MRTFA: variants seen among roughly 807,000 people sequenced by gnomAD.
The protein encoded by MRTFA is myocardin related transcription factor A.
MRTFA carries 20 observed loss-of-function variants against 83.5 expected under a neutral mutation model. The ratio of observed to expected loss-of-function variants is 0.24; its 90% confidence interval spans 0.17 to 0.35. The LOEUF (loss-of-function observed/expected upper bound fraction) is 0.35. MRTFA is among the 10% of genes least tolerant of loss of function. MRTFA has a pLI of 1.00. For missense variants in MRTFA, 1,200 were observed against 1,224.7 expected (o/e 0.98, Z 0.30); for synonymous variants, 659 against 541.2 (o/e 1.22, Z -3.02).
At chr22:40,592,091 A>G (rs1363731874) in intron 2 of MRTFA, among the ~76,000 whole-genome samples, 1 of 152,138 alleles carries the variant, frequency 6.6e-6, no homozygotes, top group Non-Finnish European at 1.5e-5. Flanking sequence ...AAGAATTTCA[A>G]GAGAAAATTT....
chr22:40,509,871 A>C (rs1254284997), intron 3 of MRTFA, among the ~76,000 whole-genome samples: 2 of 151,840 alleles, frequency 1.3e-5, no homozygotes, highest in Non-Finnish European at 2.9e-5. Context: ...CCATGAGGTT[A>C]AACATTTCTC....
intron 3 of MRTFA, among the ~76,000 whole-genome samples, chr22:40,517,582 G>A (rs914158710): frequency 6.6e-6 from 1 of 152,122 alleles, no homozygotes; most frequent in Non-Finnish European, 1.5e-5. Flanking sequence ...TATACGTAAG[G>A]AGCTTGGTAC....
chr22:40,569,716 AATACATACATAC>A (rs67146133), intron 2 of MRTFA: 37,839 of 142,048 alleles, frequency 0.27, 5,193 homozygotes, highest in Admixed American at 0.36. Context: ...CTCCATAATT[AATACATACATAC>A]ATACATACAT....
At position 40,617,164 on chromosome 22, in the gene MRTFA, G is replaced by C. The variant is rs183643889; in HGVS notation, c.-84+19314C>G. Among the ~76,000 whole-genome samples the C allele has an allele frequency of 5.7e-5, 5 of 88,068 alleles. 1 individual carries two copies. In the East Asian group the frequency reaches 2.5e-3, roughly 44 times the overall value. The allele number at this position is 88,068 out of a possible 152,430, so 57.8% of individuals were successfully genotyped here. A position where few individuals can be genotyped will look rare whatever the true frequency, so the allele number is the denominator to read the frequency against. On this transcript the variant is annotated intron_variant, in intron 1 of 14. Transcript: ENST00000355630. Reference sequence around the variant, plus strand: ...AGAGAAGGAAGGAAGGAAGGAAGGAGGGAAGGAGGGAAGGAGGGAAGGAGG... The same window carrying C: ...AGAGAAGGAAGGAAGGAAGGAAGGACGGAAGGAGGGAAGGAGGGAAGGAGG...
At position 40,424,364 on chromosome 22, in the gene MRTFA, G is replaced by T; in HGVS notation, c.619C>A (p.Pro207Thr). 1 of 1,613,496 alleles carries T rather than the reference G, an allele frequency of 6.2e-7. No homozygotes were observed. ...AAGGAAGAGCTGTCTGCTACTTTGGGATAGTTCACCTGGCCCACTGAAACC... is the reference window on the plus strand; with the variant it reads ...AAGGAAGAGCTGTCTGCTACTTTGGTATAGTTCACCTGGCCCACTGAAACC... The change falls in exon 8 of 15, where the codon CCC (proline) becomes ACC (threonine). Residue 207 changes from proline (P) to threonine (T), a missense_variant. Coordinates refer to ENST00000355630, the MANE Select transcript of MRTFA (RefSeq NM_020831.6).
intron 3 of MRTFA, among the ~76,000 whole-genome samples, chr22:40,550,071 A>T (rs2055422547): frequency 1.3e-5 from 2 of 150,738 alleles, no homozygotes; most frequent in Admixed American, 1.3e-4. Flanking sequence ...AAAAAAAATT[A>T]AATTTAAAGA....
At chr22:40,429,502 G>GATTAAGAAGTCAAGAGCCTCAGCCCA in intron 7 of MRTFA, 104 bp downstream of exon 7, 1 of 1,353,554 alleles carries the variant, frequency 7.4e-7, no homozygotes, top group Non-Finnish European at 1.0e-6. Flanking sequence ...GGAAGTCAAA[G>GATTAAGAAGTCAAGAGCCTCAGCCCA]ATTAAGAAGT....
chr22:40,603,162 T>C (rs2056279599), intron 1 of MRTFA, among the ~76,000 whole-genome samples: 1 of 152,212 alleles, frequency 6.6e-6, no homozygotes, highest in Non-Finnish European at 1.5e-5. Flanking sequence ...CTCTAAACTG[T>C]CTACCTCCCT....
In MRTFA at chr22:40,416,897, A is replaced by C; in HGVS notation, c.2578+89T>G. ...TTGCCCAAGACTGGTCACGCACGGA[A>C]GCATTCAATAAAAACAAACCAACCC... On this transcript the variant is annotated intron_variant, in intron 14 of 14. Transcript: ENST00000355630. The surrounding 1 kb of genome is among the most constrained non-coding windows in gnomAD (Gnocchi z 4.2). 1 of 1,240,140 alleles carries C rather than the reference A, an allele frequency of 8.1e-7. No individual in the cohort carries two copies. Among genetic ancestry groups the C allele is most frequent in the Non-Finnish European group, 1.1e-6 (1 of 872,484 alleles). 76.8% of individuals were successfully genotyped at this position (1,240,140 alleles called of 1,614,324 possible). A position where few individuals can be genotyped will look rare whatever the true frequency, so the allele number is the denominator to read the frequency against.
At chr22:40,602,254 T>TGCTTG (rs1474038120) in intron 1 of MRTFA, among the ~76,000 whole-genome samples, 4 of 152,222 alleles carry the variant, frequency 2.6e-5, no homozygotes. Context: ...AGTGACCATG[T>TGCTTG]GCTAGATGCT....
intron 3 of MRTFA, among the ~76,000 whole-genome samples, chr22:40,480,180 A>G (rs746135999): frequency 6.6e-6 from 1 of 152,204 alleles, no homozygotes; most frequent in Non-Finnish European, 1.5e-5. Context: ...TAAAAGGTAG[A>G]GCAGAAATTG....
At position 40,411,243 on chromosome 22, in the gene MRTFA, T is replaced by C; in HGVS notation, c.*147A>G. 2.3e-6 allele frequency: 2 copies of C among 865,988 alleles called. No individual in the cohort carries two copies. The highest frequency in any genetic ancestry group is 3.4e-6 in the Non-Finnish European group (2 of 586,210). The allele number at this position is 865,988 out of a possible 1,614,324, so 53.6% of individuals were successfully genotyped here. On this transcript the variant is annotated 3_prime_UTR_variant, in exon 15 of 15. Transcript: ENST00000355630. ...ACTGAACCAGGAGTAAGGGCTTCTC[T>C]GTTCTAGCCTCCCAGGGAAGGGAAA...
intron 4 of MRTFA, among the ~76,000 whole-genome samples, chr22:40,457,338 C>A (rs1013581461): frequency 6.6e-6 from 1 of 151,070 alleles, no homozygotes; most frequent in East Asian, 1.9e-4. Flanking sequence ...GCACTCCAAT[C>A]CAGCCTGGGA....
intron 4 of MRTFA, among the ~76,000 whole-genome samples, chr22:40,448,827 C>G (rs1218479849): frequency 6.6e-6 from 1 of 152,178 alleles, no homozygotes; most frequent in Non-Finnish European, 1.5e-5. Flanking sequence ...AGTTAACTGA[C>G]TTGCCAAAAA....
chr22:40,577,609 A>AT (rs71199293), intron 2 of MRTFA, among the ~76,000 whole-genome samples: 14,792 of 129,774 alleles, frequency 0.11, 1,134 homozygotes, highest in Non-Finnish European at 0.17. Context: ...TCTACATCTG[A>AT]TTTTTTTTTT....
At chr22:40,425,061 T>C (rs929845520) in intron 7 of MRTFA, among the ~76,000 whole-genome samples, 1 of 152,014 alleles carries the variant, frequency 6.6e-6, no homozygotes, top group Non-Finnish European at 1.5e-5. Flanking sequence ...CCTGGGCAGG[T>C]GGGGCACCAG....
intron 2 of MRTFA, among the ~76,000 whole-genome samples, chr22:40,578,383 C>T (rs1483697193): frequency 1.3e-5 from 2 of 152,168 alleles, no homozygotes; most frequent in Non-Finnish European, 1.5e-5. Context: ...TACTCAGTAA[C>T]TTCTTGGAGG....
chr22:40,448,702 T>C (rs1242075953), intron 4 of MRTFA, among the ~76,000 whole-genome samples: 2 of 152,218 alleles, frequency 1.3e-5, no homozygotes, highest in African/African-American at 4.8e-5. Flanking sequence ...CTATTTCTTT[T>C]CCCTTCAGCA....
At chr22:40,483,372 ATTTTTTT>A (rs550051844) in intron 3 of MRTFA, among the ~76,000 whole-genome samples, 1 of 139,496 alleles carries the variant, frequency 7.2e-6, no homozygotes, top group Non-Finnish European at 1.6e-5. Context: ...ACCTAAAGTA[ATTTTTTT>A]TTTTTTTTTT....
Sources: gnomAD v4.1 joint callset for allele counts (sites outside exome capture counted in the v4.1 genomes callset) on GRCh38, gnomAD v4.1.1 for gene constraint, Gnocchi (gnomAD v3.1) non-coding constraint, MANE v1.5 for transcripts, NCBI Gene and HGNC (gene_info 2026-07-23, HGNC 2026-07-21) for gene names.